ZNF704: variants seen among roughly 807,000 people sequenced by gnomAD.
ZNF704 encodes the protein zinc finger protein 704, also known as glucocorticoid induced gene 1.
ZNF704 carries 10 observed loss-of-function variants against 44.7 expected under a neutral mutation model. That is an observed-to-expected ratio of 0.22 (90% confidence interval 0.14 to 0.38). The LOEUF (loss-of-function observed/expected upper bound fraction) is 0.38, where lower values mean the gene tolerates loss of function less well. Ranked by LOEUF, ZNF704 falls within the 10% of genes least tolerant of loss-of-function variation. The pLI, the probability that ZNF704 is intolerant of heterozygous loss-of-function variation, is 1.00. For synonymous variants in ZNF704, 211 were observed against 207.6 expected (o/e 1.02, Z -0.14); for missense variants, 390 against 545.5 (o/e 0.71, Z 2.84).
rs963845325 is a variant in ZNF704 at position 80,721,876 on chromosome 8, A to C, written c.222-28769T>G. Among the ~76,000 whole-genome samples, 3 of 152,236 alleles carry C rather than the reference A, an allele frequency of 2.0e-5. No homozygotes were observed. The South Asian group carries it at 6.2e-4, about 32-fold the overall frequency. On this transcript the variant is annotated intron_variant, in intron 2 of 8. Transcript: ENST00000327835. ...TTACACATTTTATTTTTAACTCAAA[A>C]TTTAAATGTAATCTAGGCTAAGGTT...
At chr8:80,667,048 A>G (rs1278581690) in intron 5 of ZNF704, among the ~76,000 whole-genome samples, 1 of 152,166 alleles carries the variant, frequency 6.6e-6, no homozygotes, top group Admixed American at 6.5e-5. Flanking sequence ...GTTTGAGTAG[A>G]GACCTGCCTG....
intron 7 of ZNF704, among the ~76,000 whole-genome samples, chr8:80,656,190 T>A (rs1015383064): frequency 1.3e-5 from 2 of 152,136 alleles, no homozygotes; most frequent in South Asian, 4.1e-4. Flanking sequence ...TCGATTTCTC[T>A]CTCTCTCTCT....
rs139963553 is a variant in ZNF704, at chr8:80,795,453, C to T, written c.221+25921G>A. ...GTTGGTTCTATTTTAATAACTGAAC[C>T]CTGTAGGAAGATTTTATTTCTTTAA... On this transcript the variant is annotated intron_variant, in intron 2 of 8. Transcript: ENST00000327835. Among the ~76,000 whole-genome samples, 360 of 151,958 alleles carry T rather than the reference C, an allele frequency of 2.4e-3. 2 individuals carry two copies. Among genetic ancestry groups the T allele is most frequent in the African/African-American group, 8.1e-3 (334 of 41,430 alleles).
chr8:80,732,380 G>C (rs1806596111), intron 2 of ZNF704, among the ~76,000 whole-genome samples: 1 of 152,186 alleles, frequency 6.6e-6, no homozygotes, highest in South Asian at 2.1e-4. Context: ...TTATCTGTGT[G>C]ACTAATAGAA....
intron 5 of ZNF704, among the ~76,000 whole-genome samples, chr8:80,667,437 G>C (rs900020006): frequency 6.6e-6 from 1 of 152,208 alleles, no homozygotes; most frequent in African/African-American, 2.4e-5. Context: ...CAGTGCAAGG[G>C]CTGAGACGTT....
chr8:80,813,928 G>A (rs946692366), intron 2 of ZNF704, among the ~76,000 whole-genome samples: 6 of 152,054 alleles, frequency 3.9e-5, no homozygotes, highest in Non-Finnish European at 5.9e-5. Flanking sequence ...TGTTACTAGG[G>A]TTAGTACAAG....
chr8:80,685,429 C>T (rs1046969296), intron 4 of ZNF704, among the ~76,000 whole-genome samples: 1 of 152,170 alleles, frequency 6.6e-6, no homozygotes, highest in Non-Finnish European at 1.5e-5. Context: ...CTGGGCCATG[C>T]CTATTGAGTG....
chr8:80,746,169 T>G (rs768658784), intron 2 of ZNF704, among the ~76,000 whole-genome samples: 4 of 152,172 alleles, frequency 2.6e-5, no homozygotes, highest in Non-Finnish European at 4.4e-5. Flanking sequence ...GTTGGAAAGA[T>G]TAAATAAAAT....
chr8:80,828,389 G>A (rs147471102), intron 1 of ZNF704, among the ~76,000 whole-genome samples: 1 of 152,278 alleles, frequency 6.6e-6, no homozygotes, highest in African/African-American at 2.4e-5. Context: ...TAAGGTAATT[G>A]GTACTGTAAA....
At chr8:80,883,245 C>CAAAAAAAA in the ZNF704 span, among the ~76,000 whole-genome samples, 1 of 83,432 alleles carries the variant, frequency 1.2e-5, no homozygotes, top group Non-Finnish European at 2.4e-5. Context: ...GACACCCTCT[C>CAAAAAAAA]AAAAAAAAAA....
At chr8:80,660,536 C>G (rs1205262975) in intron 6 of ZNF704, among the ~76,000 whole-genome samples, 2 of 149,052 alleles carry the variant, frequency 1.3e-5, no homozygotes, top group African/African-American at 2.5e-5. Context: ...GTAAATAAAT[C>G]ATGATATACC....
At chr8:80,644,942 T>C (rs1321338860) in intron 7 of ZNF704, 2 of 1,094,920 alleles carry the variant, frequency 1.8e-6, no homozygotes, top group Non-Finnish European at 2.8e-6. Context: ...TTCATTTCTT[T>C]GTTTTCTCGG....
chr8:80,656,588 G>A (rs1244853979), intron 7 of ZNF704, among the ~76,000 whole-genome samples: 3 of 152,204 alleles, frequency 2.0e-5, no homozygotes, highest in African/African-American at 7.2e-5. Flanking sequence ...ATGCAGTTCA[G>A]CCTTCTCAGC....
At chr8:80,686,548 A>AT (rs11335785) in intron 4 of ZNF704, among the ~76,000 whole-genome samples, 8 of 149,888 alleles carry the variant, frequency 5.3e-5, no homozygotes, top group East Asian at 2.0e-4. Flanking sequence ...CACTGAGCTA[A>AT]TTTTTTTTTT....
rs1014938805 is a variant in ZNF704 at position 80,874,491 on chromosome 8, C to A, written c.-22+80G>T. On this transcript the variant is annotated intron_variant, in intron 1 of 8. Transcript: ENST00000327835. The surrounding 1 kb of genome is among the most constrained non-coding windows in gnomAD (Gnocchi z 4.4). The stretch of plus-strand genomic sequence containing the variant: ...GTTGTATGTTTTCCACCACCGCCCC[C>A]CTCTTCGCGAGCCATTCCTCACAAC... 8 of 151,800 alleles carry A rather than the reference C, an allele frequency of 5.3e-5. No individual in the cohort carries two copies. Among genetic ancestry groups the A allele is most frequent in the African/African-American group, 1.7e-4 (7 of 41,396 alleles). The allele number at this position is 151,800 out of a possible 1,614,324, so 9.4% of individuals were successfully genotyped here. A position where few individuals can be genotyped will look rare whatever the true frequency, so the allele number is the denominator to read the frequency against.
At chr8:80,806,658 G>C (rs951979779) in intron 2 of ZNF704, among the ~76,000 whole-genome samples, 2 of 152,110 alleles carry the variant, frequency 1.3e-5, no homozygotes, top group African/African-American at 2.4e-5. Flanking sequence ...TCACTCTTCT[G>C]AACAGGACCA....
intron 2 of ZNF704, among the ~76,000 whole-genome samples, chr8:80,703,160 G>A (rs73273017): frequency 0.073 from 11,024 of 151,990 alleles, 1,354 homozygotes; most frequent in African/African-American, 0.25. Flanking sequence ...AGTCCTCTGC[G>A]GGGCAACTCT....
At chr8:80,672,826 G>A (rs1415668396) in intron 4 of ZNF704, among the ~76,000 whole-genome samples, 1 of 152,012 alleles carries the variant, frequency 6.6e-6, no homozygotes, top group Non-Finnish European at 1.5e-5. Flanking sequence ...TTCACTACCT[G>A]GGTGATAGGC....
intron 1 of ZNF704, among the ~76,000 whole-genome samples, chr8:80,852,957 C>T (rs1266710065): frequency 6.6e-6 from 1 of 152,156 alleles, no homozygotes; most frequent in Non-Finnish European, 1.5e-5. Context: ...ATTTTGGCCA[C>T]TCAAGCACTG....
Sources: gnomAD v4.1 joint callset for allele counts (sites outside exome capture counted in the v4.1 genomes callset) on GRCh38, gnomAD v4.1.1 for gene constraint, Gnocchi (gnomAD v3.1) non-coding constraint, MANE v1.5 for transcripts, NCBI Gene and HGNC (gene_info 2026-07-23, HGNC 2026-07-21) for gene names.